The following ANKFN1 variants were observed in gnomAD, a reference collection of about 807,000 sequenced individuals.
ANKFN1 encodes the protein ankyrin repeat and fibronectin type III domain containing 1.
Under a neutral mutation model 108.7 loss-of-function variants are expected in ANKFN1, and 74 were observed. That is an observed-to-expected ratio of 0.68 (90% CI 0.56 to 0.83). ANKFN1 has a LOEUF of 0.83. Ranked by LOEUF, ANKFN1 falls within the 40% of genes least tolerant of loss-of-function variation. ANKFN1 has a pLI of 0.00. For synonymous variants in ANKFN1, 547 were observed against 516.2 expected (o/e 1.06, Z -0.81); for missense variants, 1,505 against 1,382.3 (o/e 1.09, Z -1.41).
rs2051835829 is a variant in ANKFN1 at position 56,513,568 on chromosome 17, G to A, written c.*2299G>A. Among the ~76,000 whole-genome samples the A allele has an allele frequency of 6.6e-6, 1 of 152,204 alleles. No homozygotes were observed. Among genetic ancestry groups the A allele is most frequent in the Non-Finnish European group, 1.5e-5 (1 of 68,040 alleles). ...TGATCCTGATCATTCTGGTGGCATAGGAGGAAGTTTGTGACTGAATCAGGT... is the reference window on the plus strand; with the variant it reads ...TGATCCTGATCATTCTGGTGGCATAAGAGGAAGTTTGTGACTGAATCAGGT... On this transcript the variant is annotated 3_prime_UTR_variant, in exon 21 of 21. Transcript: ENST00000682825.
At chr17:56,063,992 G>C (rs936296578) in intron 4 of ANKFN1, among the ~76,000 whole-genome samples, 1 of 152,052 alleles carries the variant, frequency 6.6e-6, no homozygotes. Context: ...CAATGGCCAG[G>C]TCCCTCTTCT....
At position 56,368,541 on chromosome 17, in the gene ANKFN1, A is replaced by G. The variant is rs564045945; in HGVS notation, c.602-4105A>G. Reference sequence around the variant, plus strand: ...GTGATCCACCTGCCTCAGCCTCCCAAAGTGTTGGGATTACAGGTGTGAGCC... The same window carrying G: ...GTGATCCACCTGCCTCAGCCTCCCAGAGTGTTGGGATTACAGGTGTGAGCC... On this transcript the variant is annotated intron_variant, in intron 6 of 20. Transcript: ENST00000682825. 4.0e-5 allele frequency among the ~76,000 whole-genome samples: 6 copies of G among 151,754 alleles called. No homozygotes were observed. The East Asian group carries it at 1.2e-3, about 30-fold the overall frequency.
chr17:56,480,614 G>A, intron 16 of ANKFN1, 54 bp from the exon 17 acceptor site: 1 of 1,572,980 alleles, frequency 6.4e-7, no homozygotes, highest in South Asian at 1.1e-5. Context: ...AAAGTTCTGA[G>A]CTGTGTTCTG....
intron 1 of ANKFN1, among the ~76,000 whole-genome samples, chr17:56,196,752 C>G (rs1393180052): frequency 6.6e-6 from 1 of 151,964 alleles, no homozygotes; most frequent in African/African-American, 2.4e-5. Context: ...AAGAAAAAAA[C>G]AAAAAATCCT....
At chr17:56,220,830 G>C (rs1915809953) in intron 2 of ANKFN1, among the ~76,000 whole-genome samples, 1 of 43,820 alleles carries the variant, frequency 2.3e-5, no homozygotes, top group African/African-American at 2.1e-4. Context: ...AAGGAAGGAA[G>C]GGAGGAAGGG....
rs532063852 is a variant in ANKFN1 at position 56,189,170 on chromosome 17, CT to C, written c.-70-23410del. On this transcript the variant is annotated intron_variant, in intron 1 of 20. Transcript: ENST00000682825. ...CCTAAGTAAGTAAATGTTGCCCTGA[CT>C]TTTTTTTTTTTTTTTTTGAGACGGA... Among the ~76,000 whole-genome samples, 43 of 85,260 alleles carry C rather than the reference CT, an allele frequency of 5.0e-4. 3 individuals are homozygous for C. The highest frequency in any genetic ancestry group is 1.5e-3 in the African/African-American group (22 of 14,760). The allele number at this position is 85,260 out of a possible 152,430, so 55.9% of individuals were successfully genotyped here.
intron 3 of ANKFN1, among the ~76,000 whole-genome samples, chr17:56,252,994 T>A (rs2043272584): frequency 6.6e-6 from 1 of 152,172 alleles, no homozygotes; most frequent in South Asian, 2.1e-4. Flanking sequence ...CCCAGAAGTT[T>A]GAGGCTGTTA....
intron 1 of ANKFN1, among the ~76,000 whole-genome samples, chr17:56,201,777 C>T (rs886689513): frequency 6.6e-6 from 1 of 152,128 alleles, no homozygotes; most frequent in African/African-American, 2.4e-5. Flanking sequence ...AAAGACTACT[C>T]TAGCGTTTTT....
In ANKFN1 at chr17:56,056,599, G is replaced by A. The variant is rs186790158; in HGVS notation, c.288+10274G>A. Among the ~76,000 whole-genome samples, 14 of 152,304 alleles carry A rather than the reference G, an allele frequency of 9.2e-5. No homozygotes were observed. In the East Asian group the frequency reaches 2.5e-3, roughly 27 times the overall value. On this transcript the variant is annotated intron_variant, in intron 4 of 12. Transcript: ENST00000635860. ...TAGGACAGTCTATTCAATAAATGGT[G>A]CTGGGAAAACTGGCTAGACATATGC... is the stretch of plus-strand genomic sequence containing the variant.
At chr17:56,181,095 G>C (rs551417241) in intron 1 of ANKFN1, among the ~76,000 whole-genome samples, 4 of 152,286 alleles carry the variant, frequency 2.6e-5, no homozygotes, top group South Asian at 4.1e-4. Context: ...TTGGCTGTTT[G>C]AGTCTAGGGA....
chr17:56,323,114 T>C (rs1299435069), intron 3 of ANKFN1: 3 of 152,184 alleles, frequency 2.0e-5, no homozygotes, highest in Non-Finnish European at 4.4e-5. Context: ...GCAAGTTAAA[T>C]AACTGTGGGG....
At chr17:56,437,276 T>C (rs2048959977) in intron 8 of ANKFN1, among the ~76,000 whole-genome samples, 4 of 152,220 alleles carry the variant, frequency 2.6e-5, no homozygotes, top group Non-Finnish European at 5.9e-5. Context: ...ACTTGAACAA[T>C]TTCAAAAATA....
intron 4 of ANKFN1, among the ~76,000 whole-genome samples, chr17:56,127,361 T>C (rs1906998705): frequency 6.6e-6 from 1 of 152,174 alleles, no homozygotes; most frequent in African/African-American, 2.4e-5. Context: ...TTGCCCTGAC[T>C]GGACTGCAGT....
chr17:56,205,859 G>T (rs1914488519), intron 1 of ANKFN1, among the ~76,000 whole-genome samples: 1 of 152,080 alleles, frequency 6.6e-6, no homozygotes, highest in African/African-American at 2.4e-5. Flanking sequence ...AGAAATGTCA[G>T]AATCTCTTGG....
rs111952980 is a variant in ANKFN1, at chr17:56,247,258, C to G, written c.53+19301C>G. The stretch of plus-strand genomic sequence containing the variant: ...GAAATGGTTCTTTGATAAGCTAAGG[C>G]ACAAGTCTGAATTTGACACAGGAAA... On this transcript the variant is annotated intron_variant, in intron 3 of 20. Transcript: ENST00000682825. Among the ~76,000 whole-genome samples the G allele has an allele frequency of 8.7e-4, 132 of 152,244 alleles. 1 individual carries two copies. Among genetic ancestry groups the G allele is most frequent in the African/African-American group, 3.0e-3 (126 of 41,540 alleles).
Position 56,498,907 on chromosome 17 carries a change from T to C in ANKFN1, c.2453T>C (p.Met818Thr), listed in dbSNP as rs1421008857. The stretch of plus-strand genomic sequence containing the variant: ...CAAATAGATGAAGTCTGGCGTGAAA[T>C]GAGATGGATCATGGATGCTCTACAG... ...IQQIDEVWREMRWIMDALQYA... is the reference protein window; with the variant it reads ...IQQIDEVWRETRWIMDALQYA... The change falls in exon 20 of 21, where the codon ATG becomes ACG. Residue 818 changes from methionine to threonine, a missense_variant. Coordinates refer to ENST00000682825, the MANE Select transcript of ANKFN1 (RefSeq NM_001370326.1). The C allele has an allele frequency of 1.3e-6, 2 of 1,535,130 alleles. No homozygotes were observed. The highest frequency in any genetic ancestry group is 1.4e-5 in the African/African-American group (1 of 72,984).
At chr17:56,432,173 A>T (rs1323158795) in intron 8 of ANKFN1, among the ~76,000 whole-genome samples, 2 of 152,208 alleles carry the variant, frequency 1.3e-5, no homozygotes, top group Non-Finnish European at 2.9e-5. Flanking sequence ...ACAGTTTTTT[A>T]AAAGCTCATA....
chr17:56,250,968 A>G (rs1022646408), intron 3 of ANKFN1, among the ~76,000 whole-genome samples: 1 of 151,456 alleles, frequency 6.6e-6, no homozygotes, highest in Admixed American at 6.6e-5. Flanking sequence ...AAAGATTGGT[A>G]ATTTTTTTTT....
chr17:56,372,843 G>T lies in ANKFN1; in HGVS notation c.796+3G>T. On this transcript the variant is annotated splice_donor_region_variant and intron_variant, in intron 7 of 20. Coordinates refer to ENST00000682825, the MANE Select transcript of ANKFN1 (RefSeq NM_001370326.1). The stretch of plus-strand genomic sequence containing the variant: ...GAAAACAGGCTTTGAGCATGCCAGT[G>T]AGTATAAGCAGAAAATGTCTACATT... The T allele has an allele frequency of 6.2e-7, 1 of 1,608,078 alleles. No homozygotes were observed.
Sources: allele counts gnomAD v4.1 joint callset (sites outside exome capture counted in the v4.1 genomes callset), GRCh38; gene constraint gnomAD v4.1.1; transcripts MANE v1.5; gene names NCBI Gene and HGNC (gene_info 2026-07-23, HGNC 2026-07-21).